DNAAF9: variants seen among roughly 807,000 people sequenced by gnomAD.
The protein encoded by DNAAF9 is shulin.
Under a neutral mutation model 167.0 loss-of-function variants are expected in DNAAF9, and 90 were observed. That is an observed-to-expected ratio of 0.54 (90% CI 0.45 to 0.64). DNAAF9 has a LOEUF of 0.64. Among genes scored for constraint, DNAAF9 ranks in the 30% least tolerant of loss-of-function variants. The pLI is 0.00. For synonymous variants in DNAAF9, 491 were observed against 508.8 expected (o/e 0.96, Z 0.47); for missense variants, 1,315 against 1,442.2 (o/e 0.91, Z 1.43).
At chr20:3,387,636 A>G (rs913453880) in intron 1 of DNAAF9, among the ~76,000 whole-genome samples, 1 of 152,124 alleles carries the variant, frequency 6.6e-6, no homozygotes, top group Non-Finnish European at 1.5e-5. Flanking sequence ...AAAAATATAT[A>G]AACTGGACAT....
At chr20:3,290,058 G>A in intron 26 of DNAAF9, 71 bp downstream of exon 26, 1 of 949,100 alleles carries the variant, frequency 1.1e-6, no homozygotes, top group Non-Finnish European at 1.7e-6. Flanking sequence ...ACATGTCTAA[G>A]GTTTTCCAGT....
At position 3,322,343 on chromosome 20, in the gene DNAAF9, T is replaced by C. The variant is rs149370238; in HGVS notation, c.1311-81A>G. On this transcript the variant is annotated intron_variant, in intron 15 of 36. Transcript: ENST00000252032. ...TTTACAGTGTTTGCTTTTTTCAACT[T>C]GGCAATGACAAGTCATAGATTCGGA... The C allele has an allele frequency of 3.7e-4, 411 of 1,113,412 alleles. 3 individuals are homozygous for C. The African/African-American group carries it at 5.9e-3, about 16-fold the overall frequency. 69.0% of individuals were successfully genotyped at this position (1,113,412 alleles called of 1,614,324 possible). A position where few individuals can be genotyped will look rare whatever the true frequency, so the allele number is the denominator to read the frequency against.
intron 7 of DNAAF9, among the ~76,000 whole-genome samples, chr20:3,356,267 C>T (rs1466988588): frequency 6.6e-6 from 1 of 152,328 alleles, no homozygotes; most frequent in East Asian, 1.9e-4. Flanking sequence ...ATCCACCTGC[C>T]TCGGCCTCCC....
Position 3,259,960 on chromosome 20 carries a change from C to A in DNAAF9, c.2942G>T (p.Arg981Leu). The part of the protein sequence containing the change: ...LMVQICVWFG[R>L]PLEKTRFVAK... ...CACAAAGCGAGTCTTCTCCAAGGGA[C>A]GGCCAAACCATACGCAGATCTGAAC... Residue 981 changes from arginine to leucine, a missense_variant, in exon 32 of 37, where the codon CGT (arginine) becomes CTT (leucine). Physicochemically the swap from Arg to Leu is moderately radical, Grantham distance 102. Around this residue, in one of 2 missense-constraint regions of DNAAF9, gnomAD observed 334 missense variants for 429.7 expected, o/e 0.78. Transcript: ENST00000252032. 1 of 1,611,642 alleles carries A rather than the reference C, an allele frequency of 6.2e-7. No homozygotes were observed. The highest frequency in any genetic ancestry group is 8.5e-7 in the Non-Finnish European group (1 of 1,177,682).
rs572211048 is a variant in DNAAF9, at chr20:3,255,532, C to T, written c.3262-248G>A. Among the ~76,000 whole-genome samples the T allele has an allele frequency of 1.6e-4, 24 of 152,220 alleles. No homozygotes were observed. The South Asian group carries it at 4.8e-3, about 30-fold the overall frequency. On this transcript the variant is annotated intron_variant, in intron 34 of 36. Transcript: ENST00000252032. Reference sequence around the variant, plus strand: ...CAGTGTTTTCGTAAATGGGAATGGTCGTGCCTCTTTGTAGATTCTTATCCC... The same window carrying T: ...CAGTGTTTTCGTAAATGGGAATGGTTGTGCCTCTTTGTAGATTCTTATCCC...
intron 7 of DNAAF9, among the ~76,000 whole-genome samples, chr20:3,353,309 C>A (rs2070362432): frequency 6.6e-6 from 1 of 152,014 alleles, no homozygotes; most frequent in South Asian, 2.1e-4. Context: ...TCTGTCCAAC[C>A]TCTTCAGCTT....
chr20:3,356,534 T>G (rs543157868), intron 7 of DNAAF9, among the ~76,000 whole-genome samples: 1 of 152,394 alleles, frequency 6.6e-6, no homozygotes, highest in Admixed American at 6.5e-5. Flanking sequence ...TACTTTCTTA[T>G]GACTCTTAAC....
chr20:3,269,311 G>A (rs1328672144), intron 30 of DNAAF9, among the ~76,000 whole-genome samples: 1 of 151,692 alleles, frequency 6.6e-6, no homozygotes. Flanking sequence ...CTGGGCTCAG[G>A]CAATCCTCCT....
intron 2 of DNAAF9, 130 bp downstream of exon 2, chr20:3,382,297 G>A (rs1002167107): frequency 4.6e-5 from 32 of 700,112 alleles, no homozygotes; most frequent in Middle Eastern, 2.4e-4. Context: ...AACAAATTTC[G>A]GGGGAACAAG....
At chr20:3,293,905 C>T (rs927357577) in intron 25 of DNAAF9, among the ~76,000 whole-genome samples, 3 of 152,040 alleles carry the variant, frequency 2.0e-5, no homozygotes, top group African/African-American at 4.8e-5. Context: ...CGGCAAGATG[C>T]TAGGGTTTTG....
intron 31 of DNAAF9, among the ~76,000 whole-genome samples, chr20:3,262,694 T>A (rs897772589): frequency 5.3e-5 from 8 of 152,154 alleles, no homozygotes; most frequent in African/African-American, 1.9e-4. Flanking sequence ...TGGTGGTGAT[T>A]ACAGGAGCCT....
intron 10 of DNAAF9, among the ~76,000 whole-genome samples, chr20:3,337,591 G>C (rs1256854270): frequency 6.6e-6 from 1 of 152,040 alleles, no homozygotes; most frequent in Non-Finnish European, 1.5e-5. Flanking sequence ...GTTAGTGCTG[G>C]CACTGATGAC....
chr20:3,357,811 C>A (rs1360024029), intron 7 of DNAAF9, among the ~76,000 whole-genome samples: 1 of 151,548 alleles, frequency 6.6e-6, no homozygotes, highest in Non-Finnish European at 1.5e-5. Flanking sequence ...CAATTTAAGA[C>A]CACTCTGGGC....
At chr20:3,312,192 T>G (rs749811928) in intron 20 of DNAAF9, among the ~76,000 whole-genome samples, 17 of 152,090 alleles carry the variant, frequency 1.1e-4, no homozygotes, top group Non-Finnish European at 2.2e-4. Context: ...TTCTCCATGT[T>G]GGTCAGGCTG....
chr20:3,334,082 C>G (rs1343895316), intron 10 of DNAAF9, among the ~76,000 whole-genome samples: 1 of 152,172 alleles, frequency 6.6e-6, no homozygotes, highest in Non-Finnish European at 1.5e-5. Flanking sequence ...AGGTACCTAT[C>G]CTTGTATTCA....
intron 1 of DNAAF9, among the ~76,000 whole-genome samples, chr20:3,391,168 T>C (rs1197192909): frequency 6.6e-6 from 1 of 152,246 alleles, no homozygotes; most frequent in East Asian, 1.9e-4. Context: ...TTAGTGTTTC[T>C]TATTTTATTA....
Position 3,376,254 on chromosome 20 carries a change from G to C in DNAAF9, c.332C>G (p.Pro111Arg). 1.2e-6 allele frequency: 2 copies of C among 1,613,024 alleles called. No individual in the cohort carries two copies. The highest frequency in any genetic ancestry group is 1.7e-6 in the Non-Finnish European group (2 of 1,179,118). Residue 111 changes from proline to arginine, a missense_variant, in exon 4 of 37, where the codon CCT becomes CGT. Pro to Arg is a moderately radical substitution (Grantham distance 103, BLOSUM62 -2). This residue lies in a region of DNAAF9 where 981 missense variants were observed against 1,012.5 expected (regional missense o/e 0.97). Transcript: ENST00000252032. ...AGGTAAGAGATAGCGAAAGTTTACA[G>C]GATTACAGTACAGATGGACGCTATC... is the stretch of plus-strand genomic sequence containing the variant. ...KSDSVHLYCN[P>R]VNFRYLLPYV... is the part of the protein sequence containing the mutation.
At chr20:3,255,772 A>C (rs1600650068) in intron 34 of DNAAF9, among the ~76,000 whole-genome samples, 1 of 152,210 alleles carries the variant, frequency 6.6e-6, no homozygotes, top group Non-Finnish European at 1.5e-5. Flanking sequence ...TTAGCACCCA[A>C]ACCTTGCAGA....
chr20:3,377,468 C>CTTT (rs111891802), intron 3 of DNAAF9, among the ~76,000 whole-genome samples: 2 of 144,102 alleles, frequency 1.4e-5, no homozygotes, highest in Admixed American at 7.0e-5. Context: ...TGTTTTCTTT[C>CTTT]TTTTTTTTTT....
Sources: gnomAD v4.1 joint callset for allele counts (sites outside exome capture counted in the v4.1 genomes callset) on GRCh38, gnomAD v4.1.1 for gene constraint, gnomAD v4.1.1 regional missense constraint, MANE v1.5 for transcripts, NCBI Gene and HGNC (gene_info 2026-07-23, HGNC 2026-07-21) for gene names.